Variants in PCDHGB4 observed in about 807,000 individuals in gnomAD.
PCDHGB4 encodes protocadherin gamma subfamily B, 4, also known as protocadherin gamma-B4.
PCDHGB4 carries 38 observed loss-of-function variants against 60.5 expected under a neutral mutation model. The observed-to-expected ratio is 0.63, with a 90% CI of 0.48 to 0.82. PCDHGB4 has a LOEUF of 0.82. PCDHGB4 is among the 40% of genes least tolerant of loss of function. The pLI is 0.00. For synonymous variants in PCDHGB4, 456 were observed against 509.7 expected (o/e 0.89, Z 1.42); for missense variants, 1,109 against 1,209.6 (o/e 0.92, Z 1.23).
intron 1 of PCDHGB4, 96 bp from the exon 2 acceptor site, chr5:141,494,711 A>T (rs757105958): frequency 6.3e-7 from 1 of 1,599,616 alleles, no homozygotes; most frequent in Non-Finnish European, 8.5e-7. Context: ...CTCTGTGCCC[A>T]CTCCCCTCCT....
intron 2 of PCDHGB4, among the ~76,000 whole-genome samples, chr5:141,499,099 C>T (rs1031964059): frequency 1.3e-5 from 2 of 152,156 alleles, no homozygotes; most frequent in Non-Finnish European, 2.9e-5. Context: ...ACATGCTTCT[C>T]CTCCCCACCA....
chr5:141,394,069 A>G (rs1054107584), intron 1 of PCDHGB4: 1 of 1,613,862 alleles, frequency 6.2e-7, no homozygotes, highest in African/African-American at 1.3e-5. Context: ...TCTATCTACA[A>G]TATCACAGTG....
chr5:141,423,438 C>T lies in PCDHGB4; in HGVS notation c.2397+33157C>T, dbSNP rs2096741369. 5 of 1,613,942 alleles carry T rather than the reference C, an allele frequency of 3.1e-6. No homozygotes were observed. In the East Asian group the frequency reaches 8.9e-5, roughly 29 times the overall value. On this transcript the variant is annotated intron_variant, in intron 1 of 3. Transcript: ENST00000519479. Reference sequence around the variant, plus strand: ...CTGAAGGCGGGTTGGCAGGTATGCCCACGTCACATTTTGTAGGCGTGGACG... The same window carrying T: ...CTGAAGGCGGGTTGGCAGGTATGCCTACGTCACATTTTGTAGGCGTGGACG...
At chr5:141,407,175 C>T (rs752092856) in intron 1 of PCDHGB4, among the ~76,000 whole-genome samples, 39 of 152,166 alleles carry the variant, frequency 2.6e-4, no homozygotes, top group Non-Finnish European at 5.4e-4. Flanking sequence ...TTATGACATA[C>T]AGACATTTTA....
chr5:141,429,573 T>G (rs1026656206), intron 1 of PCDHGB4, among the ~76,000 whole-genome samples: 3 of 152,206 alleles, frequency 2.0e-5, no homozygotes, highest in Non-Finnish European at 4.4e-5. Context: ...TCAGTTACAT[T>G]TACTTTTGAT....
At chr5:141,421,119 C>T (rs542039688) in intron 1 of PCDHGB4, 1 of 772,768 alleles carries the variant, frequency 1.3e-6, no homozygotes, top group Non-Finnish European at 2.0e-6. Flanking sequence ...TATTTTCCTT[C>T]GCTTTCTGAT....
Position 141,505,556 on chromosome 5 carries a change from C to T in PCDHGB4, c.2545+75C>T, listed in dbSNP as rs2233611. ...GGGTGCATCTCACAGCCACCATGCC[C>T]ACGGACTGGATGTCAAACCTGTGTA... On this transcript the variant is annotated intron_variant, in intron 3 of 3. Transcript: ENST00000519479. 1,282 of 1,606,040 alleles carry T rather than the reference C, an allele frequency of 8.0e-4. 6 individuals are homozygous for T. In the African/African-American group the frequency reaches 0.013, roughly 16 times the overall value.
intron 1 of PCDHGB4, among the ~76,000 whole-genome samples, chr5:141,455,407 A>T (rs1273781307): frequency 1.3e-5 from 2 of 152,174 alleles, no homozygotes; most frequent in Non-Finnish European, 2.9e-5. Context: ...TTACAGAGAC[A>T]GAGGGAGCGG....
In PCDHGB4 at chr5:141,477,377, C is replaced by A. The variant is rs1456451105; in HGVS notation, c.2398-17430C>A. On this transcript the variant is annotated intron_variant, in intron 1 of 3. Coordinates refer to ENST00000519479, the MANE Select transcript of PCDHGB4 (RefSeq NM_003736.4). This position sits in a 1 kb window ranked among gnomAD's most constrained non-coding sequence, Gnocchi z 4.9. ...TGCAGACCTGGATCGGGAGACTGTG[C>A]CAGAATACAACCTCAGCATCACCGC... 1.2e-6 allele frequency: 2 copies of A among 1,614,026 alleles called. No homozygotes were observed. The highest frequency in any genetic ancestry group is 1.7e-6 in the Non-Finnish European group (2 of 1,180,032).
chr5:141,494,785 T>G, intron 1 of PCDHGB4, 22 bp from the exon 2 acceptor site: 1 of 1,614,016 alleles, frequency 6.2e-7, no homozygotes, highest in Non-Finnish European at 8.5e-7. Flanking sequence ...ACTCAGCCCC[T>G]TTCCCTCTGT....
chr5:141,497,702 G>A (rs904199928), intron 2 of PCDHGB4, among the ~76,000 whole-genome samples: 16 of 152,054 alleles, frequency 1.1e-4, no homozygotes, highest in African/African-American at 3.9e-4. Context: ...ACCACACCCA[G>A]CTCATTTTTG....
chr5:141,399,727 G>A, intron 1 of PCDHGB4: 1 of 1,613,308 alleles, frequency 6.2e-7, no homozygotes, highest in Non-Finnish European at 8.5e-7. Context: ...CCGCGACCAG[G>A]GCTCGCCTGC....
intron 1 of PCDHGB4, among the ~76,000 whole-genome samples, chr5:141,446,280 A>G (rs1011084291): frequency 2.6e-5 from 4 of 152,162 alleles, no homozygotes; most frequent in South Asian, 2.1e-4. Context: ...AATACAATGG[A>G]TAAATGGGGA....
chr5:141,426,971 G>A, intron 1 of PCDHGB4: 1 of 456,732 alleles, frequency 2.2e-6, no homozygotes, highest in South Asian at 1.5e-5. Context: ...TTCAAATTGA[G>A]GTCACTGATG....
At chr5:141,449,948 C>T (rs1294423807) in intron 1 of PCDHGB4, among the ~76,000 whole-genome samples, 1 of 151,034 alleles carries the variant, frequency 6.6e-6, no homozygotes, top group Non-Finnish European at 1.5e-5. Context: ...TTTTACTATA[C>T]CTCATAGTAA....
chr5:141,484,922 GC>G (rs869160673), intron 1 of PCDHGB4: 1 of 481,378 alleles, frequency 2.1e-6, no homozygotes, highest in South Asian at 2.8e-5. Context: ...TAACCCTGCT[GC>G]TGTTGGGACG....
chr5:141,476,476 C>A lies in PCDHGB4; in HGVS notation c.2398-18331C>A. On this transcript the variant is annotated intron_variant, in intron 1 of 3. Coordinates refer to ENST00000519479, the MANE Select transcript of PCDHGB4 (RefSeq NM_003736.4). The surrounding 1 kb of genome is among the most constrained non-coding windows in gnomAD (Gnocchi z 7.6). ...TGGAGAACCCGCTGGAGCTGTTCAG[C>A]GTGGAAGTGGTGATCCAGGACATCA... 6.2e-7 allele frequency: 1 copy of A among 1,613,986 alleles called. No individual in the cohort carries two copies. The highest frequency in any genetic ancestry group is 8.5e-7 in the Non-Finnish European group (1 of 1,179,992).
intron 1 of PCDHGB4, chr5:141,421,067 T>G: frequency 1.4e-5 from 8 of 591,772 alleles, no homozygotes; most frequent in Non-Finnish European, 2.3e-5. Flanking sequence ...CAAAGCGGAA[T>G]GAGATGGATA....
intron 2 of PCDHGB4, among the ~76,000 whole-genome samples, chr5:141,504,651 G>A (rs905210723): frequency 8.4e-6 from 1 of 119,750 alleles, no homozygotes; most frequent in Non-Finnish European, 1.6e-5. Flanking sequence ...ATGATAGAGT[G>A]TTTGAGGGCG....
Sources: allele counts gnomAD v4.1 joint callset (sites outside exome capture counted in the v4.1 genomes callset), GRCh38; gene constraint gnomAD v4.1.1; non-coding constraint Gnocchi (gnomAD v3.1); transcripts MANE v1.5; gene names NCBI Gene and HGNC (gene_info 2026-07-23, HGNC 2026-07-21).